DNAI1: variants seen among roughly 807,000 people sequenced by gnomAD.
The protein encoded by DNAI1 is dynein axonemal intermediate chain 1, also known as dynein, axonemal, intermediate polypeptide 1.
In DNAI1, 67 loss-of-function variants were observed where a neutral mutation model predicts 92.0. The ratio of observed to expected loss-of-function variants is 0.73; its 90% confidence interval spans 0.60 to 0.89. The LOEUF (loss-of-function observed/expected upper bound fraction) is 0.89. DNAI1 is among the 40% of genes least tolerant of loss of function. The pLI, the probability that DNAI1 is intolerant of heterozygous loss-of-function variation, is 0.00. For missense variants in DNAI1, 839 were observed against 866.6 expected, an observed-to-expected ratio of 0.97 and a Z score of 0.40; for synonymous variants, 323 against 319.6, an observed-to-expected ratio of 1.01 and a Z score of -0.11.
chr9:34,520,590 G>A, intron 19 of DNAI1, 68 bp from the exon 20 acceptor site: 1 of 1,413,148 alleles, frequency 7.1e-7, no homozygotes, highest in Non-Finnish European at 9.8e-7. Context: ...GGGCAGAGGA[G>A]GTGGTGCTGG....
At chr9:34,459,765 A>G (rs1166367654) in intron 1 of DNAI1, among the ~76,000 whole-genome samples, 2 of 152,174 alleles carry the variant, frequency 1.3e-5, no homozygotes, top group African/African-American at 2.4e-5. Flanking sequence ...TTCTTTATCC[A>G]ACCCTTTGCT....
At chr9:34,508,438 C>T (rs1055519540) in intron 13 of DNAI1, among the ~76,000 whole-genome samples, 1 of 152,206 alleles carries the variant, frequency 6.6e-6, no homozygotes, top group African/African-American at 2.4e-5. Context: ...CAGGAGTTTT[C>T]TCCACCAAAA....
At chr9:34,512,313 A>C (rs1825081558) in intron 14 of DNAI1, 24 bp from the exon 15 acceptor site, 6 of 1,613,416 alleles carry the variant, frequency 3.7e-6, no homozygotes, top group Non-Finnish European at 5.1e-6. Context: ...CCTCCCCCCC[A>C]CATCCCTCTG....
chr9:34,468,093 T>A (rs1824070171), intron 1 of DNAI1, among the ~76,000 whole-genome samples: 1 of 151,780 alleles, frequency 6.6e-6, no homozygotes, highest in Non-Finnish European at 1.5e-5. Flanking sequence ...AAATACAATA[T>A]CAGAAATAAA....
rs1248881804 is a variant in DNAI1 at position 34,514,626 on chromosome 9, C to T, written c.1719-14C>T. 8 of 1,614,120 alleles carry T rather than the reference C, an allele frequency of 5.0e-6. No individual in the cohort carries two copies. Among genetic ancestry groups the T allele is most frequent in the African/African-American group, 1.3e-5 (1 of 74,936 alleles). Reference sequence around the variant, plus strand: ...CCCTCTGTGCCATGGGCTTTCCACCCTCCACCTCTGCAGGACCCCGATGTT... The same window carrying T: ...CCCTCTGTGCCATGGGCTTTCCACCTTCCACCTCTGCAGGACCCCGATGTT... On this transcript the variant is annotated splice_polypyrimidine_tract_variant and intron_variant, in intron 17 of 19. Transcript: ENST00000242317.
Position 34,489,455 on chromosome 9 carries a change from A to T in DNAI1, c.388+6A>T. ...CCGCGATGAATTAGTGGCAGGTAGG[A>T]CTCTGGGCCATCCTGAAGCTACAGC... On this transcript the variant is annotated splice_donor_region_variant and intron_variant, in intron 5 of 19. Coordinates refer to ENST00000242317, the MANE Select transcript of DNAI1 (RefSeq NM_012144.4). 1.9e-6 allele frequency: 3 copies of T among 1,612,846 alleles called. No individual in the cohort carries two copies. Among genetic ancestry groups the T allele is most frequent in the Non-Finnish European group, 2.5e-6 (3 of 1,179,852 alleles).
chr9:34,494,516 C>G (rs1824677260), intron 9 of DNAI1, among the ~76,000 whole-genome samples: 1 of 152,174 alleles, frequency 6.6e-6, no homozygotes, highest in Non-Finnish European at 1.5e-5. Flanking sequence ...TGGCCTAGGT[C>G]AGGGTTCACA....
chr9:34,489,230 G>T, intron 4 of DNAI1, 93 bp from the exon 5 acceptor site: 1 of 1,467,468 alleles, frequency 6.8e-7, no homozygotes, highest in East Asian at 2.3e-5. Context: ...AACAAAGATG[G>T]ACTGTCTTTG....
chr9:34,464,411 C>T (rs2132039244), intron 1 of DNAI1, among the ~76,000 whole-genome samples: 1 of 152,216 alleles, frequency 6.6e-6, no homozygotes, highest in South Asian at 2.1e-4. Flanking sequence ...ATTGCTGTAC[C>T]TTAGTTCTAT....
rs780833485 is a variant in DNAI1 at position 34,485,254 on chromosome 9, C to G, written c.180+14C>G. On this transcript the variant is annotated intron_variant, in intron 3 of 19. Transcript: ENST00000242317. ...TTGACCGATGCGGTGAGTGAGTAGC[C>G]TCTTGTTCTTGCTCCTTGTACCTCT... 6.2e-7 allele frequency: 1 copy of G among 1,613,878 alleles called. No homozygotes were observed. Among genetic ancestry groups the G allele is most frequent in the African/African-American group, 1.3e-5 (1 of 74,892 alleles).
chr9:34,488,564 A>G (rs1315472664), intron 4 of DNAI1: 1 of 153,490 alleles, frequency 6.5e-6, no homozygotes, highest in Non-Finnish European at 1.4e-5. Context: ...TTTTAAAAGA[A>G]GGAAGAGATC....
intron 15 of DNAI1, 74 bp downstream of exon 15, chr9:34,512,498 C>A: frequency 1.4e-6 from 2 of 1,421,348 alleles, no homozygotes; most frequent in Non-Finnish European, 2.0e-6. Context: ...TGACAGTGGT[C>A]CTTCCCCTGA....
At chr9:34,481,928 T>C (rs1005224380) in intron 1 of DNAI1, among the ~76,000 whole-genome samples, 2 of 152,238 alleles carry the variant, frequency 1.3e-5, no homozygotes, top group African/African-American at 4.8e-5. Context: ...CAATGCTGGC[T>C]CGGGCAGCCT....
Position 34,486,900 on chromosome 9 carries a change from G to A in DNAI1, c.261+1383G>A, listed in dbSNP as rs931709482. Among the ~76,000 whole-genome samples the A allele has an allele frequency of 5.9e-5, 9 of 152,128 alleles. No homozygotes were observed. The East Asian group carries it at 9.6e-4, about 16-fold the overall frequency. ...CCATGTGGTCTTTTGTGACTGGCTC[G>A]TCTCACTTAGCATGATGTTTTCAAT... On this transcript the variant is annotated intron_variant, in intron 4 of 19. Transcript: ENST00000242317.
rs1207020845 is a variant in DNAI1 at position 34,512,128 on chromosome 9, A to G, written c.1331A>G (p.Asp444Gly). The part of the protein sequence containing the change: ...PVWQVKWQKD[D>G]MDQNLNFFSV... ...TTTCAGGTCAAGTGGCAGAAGGATGACATGGACCAAAACCTTAACTTCTTC... is the reference window on the plus strand; with the variant it reads ...TTTCAGGTCAAGTGGCAGAAGGATGGCATGGACCAAAACCTTAACTTCTTC... Residue 444 changes from aspartate to glycine, a missense_variant, in exon 14 of 20, where the codon GAC (aspartate) becomes GGC (glycine). By Grantham distance (94) the Asp-to-Gly change is moderately conservative (BLOSUM62 -1). Transcript: ENST00000242317. The G allele has an allele frequency of 4.3e-6, 7 of 1,614,018 alleles. No homozygotes were observed. The highest frequency in any genetic ancestry group is 5.9e-6 in the Non-Finnish European group (7 of 1,180,010).
At chr9:34,486,131 G>T (rs1202200277) in intron 4 of DNAI1, among the ~76,000 whole-genome samples, 1 of 152,162 alleles carries the variant, frequency 6.6e-6, no homozygotes, top group African/African-American at 2.4e-5. Context: ...AGCTCCTGTG[G>T]TTATGAACTG....
Position 34,514,390 on chromosome 9 carries a change from C to A in DNAI1, c.1570-4C>A, listed in dbSNP as rs1435209761. On this transcript the variant is annotated splice_region_variant and splice_polypyrimidine_tract_variant and intron_variant, in intron 16 of 19. Coordinates refer to ENST00000242317, the MANE Select transcript of DNAI1 (RefSeq NM_012144.4). ...CTTCTGACCCCCGTTCCCTCCCCGA[C>A]CAGTGCTCTAAATCCTACTCCAGCC... 1.2e-6 allele frequency: 2 copies of A among 1,613,816 alleles called. No individual in the cohort carries two copies. The highest frequency in any genetic ancestry group is 1.7e-5 in the Admixed American group (1 of 60,006).
In DNAI1 at chr9:34,492,499, T is replaced by TAG. The variant is rs1564033892; in HGVS notation, c.682-694_682-693insGA. Among the ~76,000 whole-genome samples the TAG allele has an allele frequency of 2.2e-3, 92 of 42,056 alleles. 1 individual carries two copies. The highest frequency in any genetic ancestry group is 9.9e-3 in the African/African-American group (88 of 8,934). 27.6% of individuals were successfully genotyped at this position (42,056 alleles called of 152,430 possible). A position where few individuals can be genotyped will look rare whatever the true frequency, so the allele number is the denominator to read the frequency against. ...GTGGGGGTGGGGATATGAAGATATA[T>TAG]ATATATATATATATATATATATATA... On this transcript the variant is annotated intron_variant, in intron 8 of 19. Coordinates refer to ENST00000242317, the MANE Select transcript of DNAI1 (RefSeq NM_012144.4).
At position 34,512,155 on chromosome 9, in the gene DNAI1, C is replaced by G; in HGVS notation, c.1358C>G (p.Ser453Cys). 1 of 1,614,204 alleles carries G rather than the reference C, an allele frequency of 6.2e-7. No individual in the cohort carries two copies. Among genetic ancestry groups the G allele is most frequent in the Non-Finnish European group, 8.5e-7 (1 of 1,180,036 alleles). ...DDMDQNLNFF[S>C]VSSDGRIVSW... ...ATGGACCAAAACCTTAACTTCTTCT[C>G]TGTGTCATCTGACGGCAGGATTGTG... Residue 453 changes from serine to cysteine, a missense_variant, in exon 14 of 20, where the codon TCT (serine) becomes TGT (cysteine). Physicochemically the swap from Ser to Cys is moderately radical, Grantham distance 112. Coordinates refer to ENST00000242317, the MANE Select transcript of DNAI1 (RefSeq NM_012144.4).
Sources: gnomAD v4.1 joint callset for allele counts (sites outside exome capture counted in the v4.1 genomes callset) on GRCh38, gnomAD v4.1.1 for gene constraint, MANE v1.5 for transcripts, NCBI Gene and HGNC (gene_info 2026-07-23, HGNC 2026-07-21) for gene names.